Variants in GREB1L observed in about 807,000 individuals in gnomAD.
GREB1L encodes the protein GREB1-like protein.
GREB1L carries 17 observed loss-of-function variants against 200.8 expected under a neutral mutation model. The observed-to-expected ratio is 0.08, with a 90% CI of 0.06 to 0.13. GREB1L has a LOEUF of 0.13. Ranked by LOEUF, GREB1L falls within the 10% of genes least tolerant of loss-of-function variation. The probability of loss-of-function intolerance (pLI) is 1.00; values close to 1 mark genes in which losing one functional copy is unlikely to be tolerated. For synonymous variants in GREB1L, 789 were observed against 893.0 expected (o/e 0.88, Z 2.08); for missense variants, 1,657 against 2,367.7 (o/e 0.70, Z 6.23).
intron 2 of GREB1L, among the ~76,000 whole-genome samples, chr18:21,369,024 ATATT>A (rs1342300425): frequency 6.6e-6 from 1 of 152,228 alleles, no homozygotes; most frequent in Non-Finnish European, 1.5e-5. Context: ...TAGGTGGAAA[ATATT>A]TAGTTATCTA....
intron 25 of GREB1L, 78 bp from the exon 26 acceptor site, chr18:21,508,037 TAAC>T: frequency 1.5e-6 from 2 of 1,342,926 alleles, no homozygotes; most frequent in Middle Eastern, 1.8e-4. Flanking sequence ...CATCTCTTAA[TAAC>T]AACCTGAAGG....
intron 8 of GREB1L, 102 bp from the exon 9 acceptor site, chr18:21,440,167 T>G: frequency 8.2e-7 from 1 of 1,220,166 alleles, no homozygotes; most frequent in Non-Finnish European, 1.1e-6. Context: ...ATAATCAAAT[T>G]AAAGGTTCTG....
At chr18:21,351,940 C>T (rs983759660) in intron 1 of GREB1L, among the ~76,000 whole-genome samples, 7 of 152,028 alleles carry the variant, frequency 4.6e-5, no homozygotes, top group African/African-American at 9.7e-5. Context: ...CTCCGCCTCC[C>T]GGATTCAAGC....
At position 21,401,097 on chromosome 18, in the gene GREB1L, A is replaced by G. The variant is rs2041297666; in HGVS notation, c.533-53A>G. 3.6e-6 allele frequency: 5 copies of G among 1,393,548 alleles called. No homozygotes were observed. The East Asian group carries it at 1.2e-4, about 35-fold the overall frequency. 86.3% of individuals were successfully genotyped at this position (1,393,548 alleles called of 1,614,324 possible). On this transcript the variant is annotated intron_variant, in intron 5 of 32. Transcript: ENST00000424526. Reference sequence around the variant, plus strand: ...GTTTCTATGCTGTTTAATACGTAAAAGTATTGTATCAACTTACAAGGCCAT... The same window carrying G: ...GTTTCTATGCTGTTTAATACGTAAAGGTATTGTATCAACTTACAAGGCCAT...
chr18:21,416,403 T>G (rs574393101), intron 7 of GREB1L, among the ~76,000 whole-genome samples: 2 of 152,142 alleles, frequency 1.3e-5, no homozygotes, highest in Admixed American at 1.3e-4. Flanking sequence ...TTGGTGAACA[T>G]TATAAACCCA....
intron 1 of GREB1L, among the ~76,000 whole-genome samples, chr18:21,280,728 C>T (rs1340272855): frequency 6.6e-6 from 1 of 151,984 alleles, no homozygotes; most frequent in Admixed American, 6.6e-5. Context: ...TCTCTATTTT[C>T]CATGTCTGAG....
intron 16 of GREB1L, among the ~76,000 whole-genome samples, chr18:21,475,415 A>G (rs572644545): frequency 2.0e-5 from 3 of 152,150 alleles, no homozygotes; most frequent in Admixed American, 6.5e-5. Context: ...GCTGGAGTGC[A>G]GTGATGCGAT....
intron 28 of GREB1L, among the ~76,000 whole-genome samples, chr18:21,514,582 C>G (rs763225437): frequency 1.6e-4 from 24 of 152,180 alleles, no homozygotes; most frequent in Non-Finnish European, 2.9e-4. Flanking sequence ...CATCTCAAAT[C>G]AGGAGACCTG....
At chr18:21,449,870 C>A in intron 12 of GREB1L, 34 bp downstream of exon 12, 2 of 1,405,094 alleles carry the variant, frequency 1.4e-6, no homozygotes, top group South Asian at 2.9e-5. Context: ...TTTGTTTAAT[C>A]AATTCATTCG....
chr18:21,248,616 A>G (rs1339514294), intron 1 of GREB1L, among the ~76,000 whole-genome samples: 1 of 152,226 alleles, frequency 6.6e-6, no homozygotes, highest in Non-Finnish European at 1.5e-5. Flanking sequence ...GGATAAATAA[A>G]TGGTTGTTCT....
intron 1 of GREB1L, among the ~76,000 whole-genome samples, chr18:21,315,483 G>A (rs1278557202): frequency 6.6e-6 from 1 of 152,042 alleles, no homozygotes; most frequent in East Asian, 1.9e-4. Flanking sequence ...AGCAATAAAG[G>A]CAAATATTTA....
chr18:21,500,457 G>C (rs903495844), intron 22 of GREB1L, 83 bp from the exon 23 acceptor site: 2 of 1,057,830 alleles, frequency 1.9e-6, no homozygotes, highest in African/African-American at 1.6e-5. Flanking sequence ...ACACTGCAGA[G>C]CCAAGGTGTG....
intron 1 of GREB1L, among the ~76,000 whole-genome samples, chr18:21,279,721 C>A (rs987679285): frequency 3.3e-5 from 5 of 152,100 alleles, no homozygotes; most frequent in African/African-American, 1.2e-4. Context: ...TCGATCATCA[C>A]GCACCACACA....
At chr18:21,495,926 C>T (rs2036526866) in intron 20 of GREB1L, 141 bp downstream of exon 20, 1 of 548,672 alleles carries the variant, frequency 1.8e-6, no homozygotes, top group Non-Finnish European at 3.2e-6. Context: ...ACAAGAAATA[C>T]AGCCATACAA....
At chr18:21,249,786 G>A (rs777445426) in intron 1 of GREB1L, among the ~76,000 whole-genome samples, 1 of 152,004 alleles carries the variant, frequency 6.6e-6, no homozygotes, top group South Asian at 2.1e-4. Flanking sequence ...TTTGAACTCC[G>A]GAGGCGGAAG....
At chr18:21,485,567 A>G in intron 17 of GREB1L, 53 bp from the exon 18 acceptor site, 1 of 1,480,872 alleles carries the variant, frequency 6.8e-7, no homozygotes, top group Non-Finnish European at 9.1e-7. Context: ...TCTGGAAAAC[A>G]AGACACACTG....
At chr18:21,252,059 G>A (rs1247085678) in intron 1 of GREB1L, among the ~76,000 whole-genome samples, 6 of 151,808 alleles carry the variant, frequency 4.0e-5, no homozygotes, top group Admixed American at 6.6e-5. Context: ...ATTGTCACTA[G>A]CTATTCACAG....
chr18:21,505,660 G>A (rs746125996), intron 24 of GREB1L, 93 bp downstream of exon 24: 39 of 1,437,244 alleles, frequency 2.7e-5, no homozygotes, highest in African/African-American at 4.3e-5. Flanking sequence ...GCTCTTATGC[G>A]CATCATTTTT....
At chr18:21,276,069 C>CCTCATT (rs2038158057) in intron 1 of GREB1L, among the ~76,000 whole-genome samples, 1 of 152,114 alleles carries the variant, frequency 6.6e-6, no homozygotes, top group Non-Finnish European at 1.5e-5. Flanking sequence ...GAGGTTCCTT[C>CCTCATT]CTCATTCTCA....
Sources: allele counts gnomAD v4.1 joint callset (sites outside exome capture counted in the v4.1 genomes callset), GRCh38; gene constraint gnomAD v4.1.1; transcripts MANE v1.5; gene names NCBI Gene and HGNC (gene_info 2026-07-23, HGNC 2026-07-21).